F3: variants seen among roughly 807,000 people sequenced by gnomAD.
The protein encoded by F3 is coagulation factor III, tissue factor.
F3 carries 18 observed loss-of-function variants against 33.5 expected under a neutral mutation model. The observed-to-expected ratio is 0.54, with a 90% CI of 0.37 to 0.80. F3 has a LOEUF of 0.80. Ranked by LOEUF, F3 falls within the 30% of genes least tolerant of loss-of-function variation. The pLI, the probability that F3 is intolerant of heterozygous loss-of-function variation, is 0.00. For missense variants in F3, 353 were observed against 362.1 expected, an observed-to-expected ratio of 0.97 and a Z score of 0.20; for synonymous variants, 147 against 140.7, an observed-to-expected ratio of 1.05 and a Z score of -0.32.
rs1570864731 is a variant in F3 at position 94,536,082 on chromosome 1, C to T, written c.295G>A (p.Val99Met). Residue 99 changes from valine (V) to methionine (M), a missense_variant, in exon 3 of 6, where the codon GTG becomes ATG. By Grantham distance (21) the Val-to-Met change is conservative. Transcript: ENST00000334047. The part of the protein sequence containing the change: ...CDLTDEIVKD[V>M]KQTYLARVFS... ...ACCCGTGCCAAGTACGTCTGCTTCACATCCTTCACAATCTCGTCGGTGAGG... is the reference window on the plus strand; with the variant it reads ...ACCCGTGCCAAGTACGTCTGCTTCATATCCTTCACAATCTCGTCGGTGAGG... The T allele has an allele frequency of 6.2e-7, 1 of 1,614,180 alleles. No homozygotes were observed. Among genetic ancestry groups the T allele is most frequent in the East Asian group, 2.2e-5 (1 of 44,874 alleles).
At chr1:94,538,020 A>T (rs1280080232) in intron 2 of F3, among the ~76,000 whole-genome samples, 1 of 152,216 alleles carries the variant, frequency 6.6e-6, no homozygotes, top group East Asian at 1.9e-4. Flanking sequence ...AAAATTTAGC[A>T]CAAGGATTTA....
chr1:94,536,250 C>G, intron 2 of F3, 86 bp from the exon 3 acceptor site: 1 of 1,204,032 alleles, frequency 8.3e-7, no homozygotes, highest in Non-Finnish European at 1.2e-6. Context: ...CTGTGGTGTT[C>G]TGTGCTAACA....
intron 3 of F3, 138 bp from the exon 4 acceptor site, chr1:94,533,406 G>T (rs1651494303): frequency 5.8e-6 from 6 of 1,037,586 alleles, no homozygotes; most frequent in Non-Finnish European, 4.2e-6. Context: ...AAAGAAGCAG[G>T]CGTGGCGGCC....
intron 3 of F3, among the ~76,000 whole-genome samples, chr1:94,534,989 T>C (rs1426829025): frequency 1.3e-5 from 2 of 151,896 alleles, no homozygotes; most frequent in East Asian, 1.9e-4. Context: ...CAGAAGCACC[T>C]GGGGGTCTGG....
rs748868875 is a variant in F3 at position 94,536,181 on chromosome 1, A to C, written c.213-17T>G. ...GACTTAGTGCTAAAGAAAGAAAAGA[A>C]GGAAGAAACATAAATGGAATGTTAC... On this transcript the variant is annotated splice_polypyrimidine_tract_variant and intron_variant, in intron 2 of 5. Transcript: ENST00000334047. 1 of 1,611,126 alleles carries C rather than the reference A, an allele frequency of 6.2e-7. No homozygotes were observed. Among genetic ancestry groups the C allele is most frequent in the Middle Eastern group, 1.8e-4 (1 of 5,516 alleles).
chr1:94,537,867 T>A (rs3917610), intron 2 of F3, among the ~76,000 whole-genome samples: 1,935 of 152,338 alleles, frequency 0.013, 126 homozygotes, highest in Admixed American at 0.1. Context: ...AAAAAGTGAA[T>A]GAGACTATGC....
At chr1:94,533,930 A>G (rs917406688) in intron 3 of F3, among the ~76,000 whole-genome samples, 2 of 150,754 alleles carry the variant, frequency 1.3e-5, no homozygotes, top group African/African-American at 4.9e-5. Flanking sequence ...GCAGTGGCGC[A>G]ATCTCAGTTC....
In F3 at chr1:94,541,686, C is replaced by T; in HGVS notation, c.-50G>A. 3 of 1,272,288 alleles carry T rather than the reference C, an allele frequency of 2.4e-6. No homozygotes were observed. The highest frequency in any genetic ancestry group is 3.0e-5 in the East Asian group (1 of 33,772). 78.8% of individuals were successfully genotyped at this position (1,272,288 alleles called of 1,614,324 possible). On this transcript the variant is annotated 5_prime_UTR_variant, in exon 1 of 6. Transcript: ENST00000334047. Reference sequence around the variant, plus strand: ...AGCGGGTTCCGTGGCGCCCGTGGGGCTGGGGAGGTTGGGCTGAAGGCGCCC... The same window carrying T: ...AGCGGGTTCCGTGGCGCCCGTGGGGTTGGGGAGGTTGGGCTGAAGGCGCCC...
At chr1:94,535,143 G>A (rs1486769799) in intron 3 of F3, among the ~76,000 whole-genome samples, 1 of 152,114 alleles carries the variant, frequency 6.6e-6, no homozygotes, top group Non-Finnish European at 1.5e-5. Context: ...CCTACCTTGA[G>A]AAACTGTTCT....
At position 94,541,554 on chromosome 1, in the gene F3, T is replaced by G. The variant is rs951245619; in HGVS notation, c.83A>C (p.Gln28Pro). The G allele has an allele frequency of 7.3e-6, 11 of 1,502,332 alleles. No homozygotes were observed. The highest frequency in any genetic ancestry group is 1.4e-5 in the African/African-American group (1 of 69,650). The allele number at this position is 1,502,332 out of a possible 1,614,324, so 93.1% of individuals were successfully genotyped here. A position where few individuals can be genotyped will look rare whatever the true frequency, so the allele number is the denominator to read the frequency against. Residue 28 changes from glutamine (Q) to proline (P), a missense_variant, in exon 1 of 6, where the codon CAG (glutamine) becomes CCG (proline). Physicochemically the swap from Gln to Pro is moderately conservative, Grantham distance 76. Coordinates refer to ENST00000334047, the MANE Select transcript of F3 (RefSeq NM_001993.5). ...CCACTCACCTGAAGCGCCGGCCACCTGGGCGAAGACCCAGCCGAGCAGGAG... is the reference window on the plus strand; with the variant it reads ...CCACTCACCTGAAGCGCCGGCCACCGGGGCGAAGACCCAGCCGAGCAGGAG... ...RTLLLGWVFA[Q>P]VAGASGTTNT...
chr1:94,533,386 C>A (rs1483119107), intron 3 of F3, 118 bp from the exon 4 acceptor site: 2 of 1,256,426 alleles, frequency 1.6e-6, no homozygotes, highest in Non-Finnish European at 2.2e-6. Flanking sequence ...TGCATAGAAC[C>A]AGCTCCCTGA....
At position 94,530,215 on chromosome 1, in the gene F3, G is replaced by A; in HGVS notation, c.*245C>T. On this transcript the variant is annotated 3_prime_UTR_variant, in exon 6 of 6. Coordinates refer to ENST00000334047, the MANE Select transcript of F3 (RefSeq NM_001993.5). Reference sequence around the variant, plus strand: ...ATCTAAAGCATGTTATGTGCAAAAGGTGCCATGGTGTTAAAAATTAAAACT... The same window carrying A: ...ATCTAAAGCATGTTATGTGCAAAAGATGCCATGGTGTTAAAAATTAAAACT... 1 of 420,010 alleles carries A rather than the reference G, an allele frequency of 2.4e-6. No homozygotes were observed. Among genetic ancestry groups the A allele is most frequent in the Non-Finnish European group, 4.3e-6 (1 of 235,142 alleles). 26.0% of individuals were successfully genotyped at this position (420,010 alleles called of 1,614,324 possible). A position where few individuals can be genotyped will look rare whatever the true frequency, so the allele number is the denominator to read the frequency against.
intron 3 of F3, 120 bp from the exon 4 acceptor site, chr1:94,533,388 G>T: frequency 8.0e-7 from 1 of 1,242,752 alleles, no homozygotes; most frequent in Non-Finnish European, 1.1e-6. Context: ...CATAGAACCA[G>T]CTCCCTGAAA....
At chr1:94,533,603 C>T (rs1651499607) in intron 3 of F3, among the ~76,000 whole-genome samples, 2 of 152,262 alleles carry the variant, frequency 1.3e-5, no homozygotes, top group East Asian at 1.9e-4. Context: ...TGGGTTTGAA[C>T]TCTGTGGATC....
chr1:94,531,294 T>A lies in F3; in HGVS notation c.752-698A>T, dbSNP rs1651417841. The stretch of plus-strand genomic sequence containing the variant: ...TGGAGCTAAGCCATCATTTCTTTTT[T>A]CGTTGTTTCTTTTTTTTTTTTTTTT... On this transcript the variant is annotated intron_variant, in intron 5 of 5. Coordinates refer to ENST00000334047, the MANE Select transcript of F3 (RefSeq NM_001993.5). Among the ~76,000 whole-genome samples, 6 of 119,794 alleles carry A rather than the reference T, an allele frequency of 5.0e-5. No homozygotes were observed. In the Admixed American group the frequency reaches 5.6e-4, roughly 11 times the overall value. 78.6% of individuals were successfully genotyped at this position (119,794 alleles called of 152,430 possible).
At chr1:94,540,572 C>T (rs1651741570) in intron 1 of F3, 4 of 515,178 alleles carry the variant, frequency 7.8e-6, no homozygotes, top group Non-Finnish European at 1.4e-5. Flanking sequence ...CAAGATTCAC[C>T]TTGTAATCCC....
chr1:94,532,454 C>T lies in F3; in HGVS notation c.618G>A (p.Glu206=). The T allele has an allele frequency of 6.2e-7, 1 of 1,614,150 alleles. No homozygotes were observed. Among genetic ancestry groups the T allele is most frequent in the East Asian group, 2.2e-5 (1 of 44,884 alleles). ...CTCCTTTATCCACATCAATCAAAAA[C>T]TCATTAGTGTTTGTTTTGGCTGTTT... is the stretch of plus-strand genomic sequence containing the variant. ...GKKTAKTNTN[E]FLIDVDKGEN... The change falls in exon 5 of 6, where the codon GAG becomes GAA. Residue 206 remains glutamate, a synonymous_variant. Coordinates refer to ENST00000334047, the MANE Select transcript of F3 (RefSeq NM_001993.5).
chr1:94,537,890 A>G (rs942538318), intron 2 of F3, among the ~76,000 whole-genome samples: 2 of 152,202 alleles, frequency 1.3e-5, no homozygotes, highest in African/African-American at 4.8e-5. Flanking sequence ...TTTCCTTTTT[A>G]TCAGTACAGC....
intron 2 of F3, among the ~76,000 whole-genome samples, chr1:94,538,412 C>T (rs1283376876): frequency 6.6e-6 from 1 of 152,206 alleles, no homozygotes; most frequent in African/African-American, 2.4e-5. Context: ...TAGTGTCCTG[C>T]GGCTGGAGCC....
Sources: allele counts gnomAD v4.1 joint callset (sites outside exome capture counted in the v4.1 genomes callset), GRCh38; gene constraint gnomAD v4.1.1; transcripts MANE v1.5; gene names NCBI Gene and HGNC (gene_info 2026-07-23, HGNC 2026-07-21).